The following GABRR3 variants were observed in gnomAD, a reference collection of about 807,000 sequenced individuals.
GABRR3 encodes gamma-aminobutyric acid type A receptor subunit rho3.
A neutral mutation model predicts 43.2 loss-of-function variants in GABRR3; 29 were observed. The observed-to-expected ratio is 0.67, with a 90% CI of 0.50 to 0.92. The LOEUF (loss-of-function observed/expected upper bound fraction) is 0.92. GABRR3 is among the 40% of genes least tolerant of loss of function. The pLI is 0.00. For synonymous variants in GABRR3, 206 were observed against 195.9 expected, an observed-to-expected ratio of 1.05 and a Z score of -0.43; for missense variants, 576 against 572.3, an observed-to-expected ratio of 1.01 and a Z score of -0.07.
chr3:98,018,984 C>A (rs1706905500), intron 3 of GABRR3, among the ~76,000 whole-genome samples: 1 of 151,998 alleles, frequency 6.6e-6, no homozygotes, highest in South Asian at 2.1e-4. Context: ...ATGGTGTGTG[C>A]TTGTAATTCC....
At chr3:97,999,728 G>A (rs1256105306) in intron 8 of GABRR3, 1 of 152,122 alleles carries the variant, frequency 6.6e-6, no homozygotes, top group Admixed American at 6.6e-5. Context: ...CTAGGCAGTT[G>A]ACATGATGAA....
intron 2 of GABRR3, among the ~76,000 whole-genome samples, chr3:98,034,140 A>C (rs115024132): frequency 6.6e-6 from 1 of 152,134 alleles, no homozygotes; most frequent in East Asian, 1.9e-4. Context: ...ACTCTTTCTC[A>C]AAGACATTAT....
chr3:97,987,841 A>G (rs1682510582), intron 9 of GABRR3, among the ~76,000 whole-genome samples: 1 of 150,626 alleles, frequency 6.6e-6, no homozygotes, highest in African/African-American at 2.5e-5. Flanking sequence ...CAGTGGTGTG[A>G]TTATAGCTCA....
intron 7 of GABRR3, among the ~76,000 whole-genome samples, chr3:98,004,904 G>A (rs1193475445): frequency 6.6e-6 from 1 of 151,950 alleles, no homozygotes; most frequent in African/African-American, 2.4e-5. Context: ...AAAGACACTT[G>A]AGTTTGTCAG....
intron 2 of GABRR3, among the ~76,000 whole-genome samples, chr3:98,028,830 G>C (rs1299811836): frequency 6.6e-6 from 1 of 152,118 alleles, no homozygotes; most frequent in East Asian, 1.9e-4. Context: ...AGACACCCTC[G>C]TTTGAAGGCC....
At chr3:98,027,479 T>G (rs190761574) in intron 2 of GABRR3, among the ~76,000 whole-genome samples, 90 of 152,370 alleles carry the variant, frequency 5.9e-4, no homozygotes, top group Middle Eastern at 3.4e-3. Flanking sequence ...GTCACTAATG[T>G]GTGTGCTCAG....
downstream of GABRR3, chr3:97,986,673 A>G: frequency 6.8e-7 from 1 of 1,479,808 alleles, no homozygotes; most frequent in Non-Finnish European, 9.1e-7. Context: ...TATACATTTG[A>G]AATTCCCCTT....
At chr3:98,001,706 C>A in exon 8 of GABRR3, 1 of 1,613,318 alleles carries the variant, frequency 6.2e-7, no homozygotes, top group Non-Finnish European at 8.5e-7. Flanking sequence ...AATAGGTTTG[C>A]AGCACAAAGA....
rs546066170 is a variant in GABRR3, at chr3:98,034,999, CA to C, written c.-2-11del. 6 of 1,607,930 alleles carry C rather than the reference CA, an allele frequency of 3.7e-6. No individual in the cohort carries two copies. Among genetic ancestry groups the C allele is most frequent in the African/African-American group, 2.7e-5 (2 of 74,558 alleles). On this transcript the variant is annotated splice_polypyrimidine_tract_variant and intron_variant, in intron 1 of 9. Transcript: ENST00000621172. ...AAAGCCAGGACCATCTCTTCCAAAA[CA>C]AAAAAACAGAAAGGATGCAGGTGAA...
chr3:98,031,367 A>G (rs1019984385), intron 2 of GABRR3, among the ~76,000 whole-genome samples: 2 of 152,206 alleles, frequency 1.3e-5, no homozygotes, highest in Non-Finnish European at 2.9e-5. Flanking sequence ...ATTAACTTGG[A>G]AAAATTCAGA....
chr3:98,035,241 T>C (rs1707137283), exon 1 of GABRR3: 3 of 454,176 alleles, frequency 6.6e-6, no homozygotes, highest in African/African-American at 3.9e-5. Flanking sequence ...AAATTTTCAG[T>C]TTACATCCTT....
At chr3:97,993,042 GTGATTC>G in exon 9 of GABRR3, 1 of 1,594,416 alleles carries the variant, frequency 6.3e-7, no homozygotes, top group South Asian at 1.1e-5. Flanking sequence ...CAGCACTGTG[GTGATTC>G]CTGCCATTTG....
intron 3 of GABRR3, among the ~76,000 whole-genome samples, chr3:98,019,955 G>T (rs1209777029): frequency 6.6e-6 from 1 of 152,136 alleles, no homozygotes; most frequent in Non-Finnish European, 1.5e-5. Flanking sequence ...ATAGGGTTTG[G>T]CTCTGGTGCT....
intron 9 of GABRR3, among the ~76,000 whole-genome samples, chr3:97,987,642 T>A (rs1038214273): frequency 1.3e-5 from 2 of 152,246 alleles, no homozygotes; most frequent in Non-Finnish European, 2.9e-5. Flanking sequence ...CGATTTATAG[T>A]GATTTAAAAA....
chr3:97,991,750 G>T (rs1221778525), intron 9 of GABRR3, among the ~76,000 whole-genome samples: 6 of 152,154 alleles, frequency 3.9e-5, no homozygotes, highest in African/African-American at 1.4e-4. Context: ...GGAAGGTTCG[G>T]TGTGAGAAGA....
intron 2 of GABRR3, among the ~76,000 whole-genome samples, chr3:98,026,108 G>A (rs1707012118): frequency 6.6e-6 from 1 of 152,168 alleles, no homozygotes; most frequent in African/African-American, 2.4e-5. Flanking sequence ...GGTCACTGGG[G>A]CTGAACAATC....
intron 9 of GABRR3, among the ~76,000 whole-genome samples, chr3:97,991,280 A>T (rs1706462629): frequency 2.0e-5 from 3 of 152,190 alleles, no homozygotes; most frequent in Admixed American, 2.0e-4. Flanking sequence ...TATCCAAATC[A>T]TTGCTATTCA....
intron 8 of GABRR3, chr3:97,999,492 G>C (rs1043272994): frequency 6.6e-6 from 1 of 152,136 alleles, no homozygotes; most frequent in African/African-American, 2.4e-5. Flanking sequence ...CTTACATACG[G>C]ACAGTAGTTG....
chr3:98,022,323 T>C (rs911758475), intron 3 of GABRR3, among the ~76,000 whole-genome samples: 1 of 152,178 alleles, frequency 6.6e-6, no homozygotes, highest in African/African-American at 2.4e-5. Context: ...ACATAATGAG[T>C]CAATTAATCT....
Sources: gnomAD v4.1 joint callset for allele counts (sites outside exome capture counted in the v4.1 genomes callset) on GRCh38, gnomAD v4.1.1 for gene constraint, MANE v1.5 for transcripts, NCBI Gene and HGNC (gene_info 2026-07-23, HGNC 2026-07-21) for gene names.